The following ULK4 variants were observed in gnomAD, a reference collection of about 807,000 sequenced individuals.
ULK4 encodes unc-51 like kinase 4.
A neutral mutation model predicts 160.6 loss-of-function variants in ULK4; 133 were observed. The observed-to-expected ratio is 0.83, with a 90% CI of 0.72 to 0.96. The LOEUF (loss-of-function observed/expected upper bound fraction) is 0.96. Ranked by LOEUF, ULK4 falls within the 40% of genes least tolerant of loss-of-function variation. ULK4 has a pLI of 0.00. For synonymous variants in ULK4, 534 were observed against 539.8 expected (o/e 0.99, Z 0.15); for missense variants, 1,580 against 1,499.5 (o/e 1.05, Z -0.89).
intron 35 of ULK4, among the ~76,000 whole-genome samples, chr3:41,327,726 T>C (rs769808978): frequency 4.3e-4 from 65 of 152,294 alleles, no homozygotes; most frequent in Admixed American, 1.4e-3. Context: ...GGATGATAAG[T>C]TGTATTTATG....
Position 41,646,986 on chromosome 3 carries a change from G to A in ULK4, c.3071+16621C>T, listed in dbSNP as rs540892793. Among the ~76,000 whole-genome samples the A allele has an allele frequency of 1.7e-3, 263 of 151,864 alleles. 2 individuals are homozygous for A. The highest frequency in any genetic ancestry group is 4.1e-3 in the African/African-American group (170 of 41,384). On this transcript the variant is annotated intron_variant, in intron 30 of 36. Transcript: ENST00000301831. The stretch of plus-strand genomic sequence containing the variant: ...ACCCTTTCTTCCAGTTGATCGCATC[G>A]GCTCCTGAGGCTTCTGCATTCTTCA...
intron 32 of ULK4, among the ~76,000 whole-genome samples, chr3:41,517,167 A>T (rs928529126): frequency 1.3e-5 from 2 of 152,178 alleles, no homozygotes; most frequent in Non-Finnish European, 2.9e-5. Flanking sequence ...TAAAAGAATG[A>T]GATACCACCA....
At chr3:41,636,843 T>C (rs1371340990) in intron 30 of ULK4, among the ~76,000 whole-genome samples, 1 of 151,400 alleles carries the variant, frequency 6.6e-6, no homozygotes, top group Non-Finnish European at 1.5e-5. Context: ...TTTGTGAATA[T>C]CTTTTACTAT....
intron 31 of ULK4, among the ~76,000 whole-genome samples, chr3:41,597,721 G>A (rs983134188): frequency 2.0e-5 from 3 of 152,110 alleles, no homozygotes; most frequent in African/African-American, 4.8e-5. Flanking sequence ...TTTGATTACT[G>A]CCCCAAGAAT....
chr3:41,527,016 T>A lies in ULK4; in HGVS notation c.3226+39009A>T, dbSNP rs2086142550. ...AGAATAGTAGTGAAAATAATAGCTA[T>A]TATTTGTTAGAGTCCATTACATAAA... On this transcript the variant is annotated intron_variant, in intron 32 of 36. Transcript: ENST00000301831. Among the ~76,000 whole-genome samples the A allele has an allele frequency of 2.0e-5, 3 of 152,202 alleles. No individual in the cohort carries two copies. In the South Asian group the frequency reaches 6.2e-4, roughly 32 times the overall value.
intron 35 of ULK4, among the ~76,000 whole-genome samples, chr3:41,350,967 T>C (rs1041320014): frequency 3.3e-5 from 5 of 152,194 alleles, no homozygotes; most frequent in African/African-American, 1.2e-4. Flanking sequence ...CTACAGGACC[T>C]TGTAATAAAA....
chr3:41,455,249 G>A (rs80278777), intron 34 of ULK4, among the ~76,000 whole-genome samples: 1,583 of 151,950 alleles, frequency 0.01, 65 homozygotes, highest in Admixed American at 0.077. Context: ...TTTTTACCTC[G>A]CATTTGTTAA....
At chr3:41,884,174 A>G (rs997264252) in intron 16 of ULK4, among the ~76,000 whole-genome samples, 4 of 152,218 alleles carry the variant, frequency 2.6e-5, no homozygotes, top group African/African-American at 7.2e-5. Flanking sequence ...GCAATACTGC[A>G]ACAGCGACAA....
intron 32 of ULK4, among the ~76,000 whole-genome samples, chr3:41,550,304 G>A (rs892319243): frequency 2.6e-5 from 4 of 151,930 alleles, no homozygotes; most frequent in Admixed American, 1.3e-4. Flanking sequence ...TAATAACCTT[G>A]AATATAAATG....
chr3:41,925,508 GT>G (rs1404102548), intron 5 of ULK4, among the ~76,000 whole-genome samples: 1 of 152,022 alleles, frequency 6.6e-6, no homozygotes, highest in African/African-American at 2.4e-5. Context: ...AGGTGCAGGA[GT>G]TTTTTTTCAT....
intron 27 of ULK4, among the ~76,000 whole-genome samples, chr3:41,698,231 A>G (rs756134518): frequency 2.0e-5 from 3 of 152,242 alleles, no homozygotes; most frequent in Non-Finnish European, 2.9e-5. Flanking sequence ...ATGACTGTAT[A>G]TACAAGCTGA....
intron 31 of ULK4, among the ~76,000 whole-genome samples, chr3:41,606,433 AG>A (rs575591286): frequency 2.1e-3 from 327 of 152,138 alleles, no homozygotes; most frequent in African/African-American, 7.5e-3. Flanking sequence ...CAATAAACAA[AG>A]GAATGCAGGT....
chr3:41,943,282 TG>T (rs10707754), intron 2 of ULK4, among the ~76,000 whole-genome samples: 103,031 of 151,276 alleles, frequency 0.68, 38,748 homozygotes, highest in East Asian at 0.83. Context: ...CATTTTTCAA[TG>T]TGGCTACTAA....
At chr3:41,785,036 A>T (rs115695612) in intron 21 of ULK4, among the ~76,000 whole-genome samples, 1,736 of 152,318 alleles carry the variant, frequency 0.011, 29 homozygotes, top group African/African-American at 0.038. Context: ...TACCCACATA[A>T]TCTACCTTTC....
intron 32 of ULK4, among the ~76,000 whole-genome samples, chr3:41,526,424 C>A (rs1049210360): frequency 6.6e-6 from 1 of 152,212 alleles, no homozygotes; most frequent in Non-Finnish European, 1.5e-5. Context: ...TAAGGCAATT[C>A]AGCCATAAGG....
intron 32 of ULK4, among the ~76,000 whole-genome samples, chr3:41,500,963 T>C (rs2085182296): frequency 2.0e-5 from 3 of 152,198 alleles, no homozygotes; most frequent in Admixed American, 2.0e-4. Context: ...GTTTATACAT[T>C]GTTTTAAGGT....
At position 41,940,255 on chromosome 3, in the gene ULK4, C is replaced by T. The variant is rs553862846; in HGVS notation, c.139-2058G>A. On this transcript the variant is annotated intron_variant, in intron 2 of 36. Transcript: ENST00000301831. ...CAGAGGTCTGTTTTCCCACACATTG[C>T]TACGTTTCTTTCCTGTTATATGAAC... is the stretch of plus-strand genomic sequence containing the variant. Among the ~76,000 whole-genome samples the T allele has an allele frequency of 4.6e-5, 7 of 152,168 alleles. No individual in the cohort carries two copies. In the East Asian group the frequency reaches 1.2e-3, roughly 25 times the overall value.
At chr3:41,632,326 A>T (rs982948365) in intron 30 of ULK4, among the ~76,000 whole-genome samples, 2 of 152,206 alleles carry the variant, frequency 1.3e-5, no homozygotes, top group African/African-American at 2.4e-5. Context: ...CATATTTTTT[A>T]AAATTATTTT....
intron 22 of ULK4, among the ~76,000 whole-genome samples, chr3:41,726,794 T>C (rs1403161019): frequency 6.6e-6 from 1 of 152,078 alleles, no homozygotes; most frequent in Non-Finnish European, 1.5e-5. Context: ...TATTTTTGTT[T>C]TGTTTATTTG....
Sources: gnomAD v4.1 joint callset for allele counts (sites outside exome capture counted in the v4.1 genomes callset) on GRCh38, gnomAD v4.1.1 for gene constraint, MANE v1.5 for transcripts, NCBI Gene and HGNC (gene_info 2026-07-23, HGNC 2026-07-21) for gene names.